DSE: variants seen among roughly 807,000 people sequenced by gnomAD.
DSE encodes the protein dermatan sulfate epimerase.
Under a neutral mutation model 84.4 loss-of-function variants are expected in DSE, and 36 were observed. The ratio of observed to expected loss-of-function variants is 0.43; its 90% CI spans 0.33 to 0.56. DSE has a LOEUF of 0.56. DSE is among the 20% of genes least tolerant of loss of function. DSE has a pLI of 0.06. For missense variants in DSE, 862 were observed against 1,169.6 expected (o/e 0.74, Z 3.84); for synonymous variants, 410 against 430.1 (o/e 0.95, Z 0.58).
At chr6:116,327,379 T>C (rs4467808) in intron 2 of DSE, among the ~76,000 whole-genome samples, 148,953 of 152,332 alleles carry the variant, frequency 0.98, 72,922 homozygotes, top group Non-Finnish European at 1. Context: ...GTAAAGGAAG[T>C]GGAGAGTTTA....
intron 2 of DSE, among the ~76,000 whole-genome samples, chr6:116,264,475 C>T (rs1047652558): frequency 6.6e-6 from 1 of 152,088 alleles, no homozygotes; most frequent in South Asian, 2.1e-4. Context: ...TCTGTCAGCT[C>T]TTGCATTGTT....
At chr6:116,359,723 CAGAT>C (rs1318965972) in intron 2 of DSE, among the ~76,000 whole-genome samples, 4 of 152,144 alleles carry the variant, frequency 2.6e-5, no homozygotes, top group African/African-American at 2.4e-5. Flanking sequence ...TAAGTGGAAA[CAGAT>C]AGGCTTTGCA....
chr6:116,438,632 A>T lies in DSE; in HGVS notation c.*1287A>T, dbSNP rs939919981. On this transcript the variant is annotated 3_prime_UTR_variant, in exon 6 of 6. Coordinates refer to ENST00000644252, the MANE Select transcript of DSE (RefSeq NM_013352.4). ...ATACTTAAAAGGAACTTAATAAATT[A>T]TCATACATTCAGCATATTTGAGTCA... The T allele has an allele frequency of 2.6e-4, 39 of 152,200 alleles. No individual in the cohort carries two copies. Among genetic ancestry groups the T allele is most frequent in the Non-Finnish European group, 2.9e-5 (2 of 68,002 alleles). 9.4% of individuals were successfully genotyped at this position (152,200 alleles called of 1,614,324 possible).
chr6:116,264,348 GT>G (rs1307014669), intron 2 of DSE, among the ~76,000 whole-genome samples: 29 of 151,852 alleles, frequency 1.9e-4, no homozygotes, highest in African/African-American at 7.0e-4. Flanking sequence ...CTCTGAGAGT[GT>G]TTCCTCTGCT....
At chr6:116,417,542 A>G (rs955973069) in intron 2 of DSE, among the ~76,000 whole-genome samples, 2 of 152,152 alleles carry the variant, frequency 1.3e-5, no homozygotes, top group Admixed American at 6.5e-5. Flanking sequence ...TAAATTTTAT[A>G]TATTTTAGAA....
At chr6:116,381,952 GT>G (rs1269249883) in intron 1 of DSE, among the ~76,000 whole-genome samples, 1 of 151,898 alleles carries the variant, frequency 6.6e-6, no homozygotes, top group Non-Finnish European at 1.5e-5. Context: ...CTTTTACCAA[GT>G]TTCTGGTGGC....
chr6:116,367,566 ATTTTG>A (rs1779236795), upstream of DSE, among the ~76,000 whole-genome samples: 1 of 152,190 alleles, frequency 6.6e-6, no homozygotes, highest in African/African-American at 2.4e-5. Context: ...AAAAAATAAC[ATTTTG>A]TTTTGTTCAG....
intron 2 of DSE, chr6:116,279,183 C>T (rs763693184): frequency 6.2e-7 from 1 of 1,612,048 alleles, no homozygotes; most frequent in Non-Finnish European, 8.5e-7. Context: ...GCCCTTCTTC[C>T]TCCCTCGCCT....
chr6:116,369,375 C>T (rs934468573), upstream of DSE, among the ~76,000 whole-genome samples: 1 of 152,206 alleles, frequency 6.6e-6, no homozygotes, highest in Non-Finnish European at 1.5e-5. Flanking sequence ...TAGACACTTT[C>T]ACAATTTATT....
Position 116,436,857 on chromosome 6 carries a change from T to C in DSE, c.2389T>C (p.Ser797Pro), listed in dbSNP as rs1784193105. The C allele has an allele frequency of 1.9e-6, 3 of 1,613,902 alleles. No homozygotes were observed. The highest frequency in any genetic ancestry group is 1.3e-5 in the African/African-American group (1 of 74,882). ...GGCCATTGACAGGATTTTTGCCATATCACAGCAACAGCAGCAGCAAAGCAA... is the reference window on the plus strand; with the variant it reads ...GGCCATTGACAGGATTTTTGCCATACCACAGCAACAGCAGCAGCAAAGCAA... ...EEAIDRIFAI[S>P]QQQQQQSKSK... The change falls in exon 6 of 6, where the codon TCA (serine) becomes CCA (proline). Residue 797 changes from serine to proline, a missense_variant. Physicochemically the swap from Ser to Pro is moderately conservative, Grantham distance 74. Around this residue, in one of 4 missense-constraint regions of DSE, gnomAD observed 315 missense variants for 348.1 expected, o/e 0.90. Coordinates refer to ENST00000644252, the MANE Select transcript of DSE (RefSeq NM_013352.4).
At chr6:116,299,315 G>A (rs1774849872) in intron 2 of DSE, among the ~76,000 whole-genome samples, 2 of 151,854 alleles carry the variant, frequency 1.3e-5, no homozygotes, top group Admixed American at 1.3e-4. Flanking sequence ...GGAAAAAAGA[G>A]AGGACTGAAT....
At chr6:116,407,925 T>C (rs1782039265) in intron 2 of DSE, among the ~76,000 whole-genome samples, 1 of 152,222 alleles carries the variant, frequency 6.6e-6, no homozygotes, top group Admixed American at 6.5e-5. Context: ...CACTGGTATT[T>C]TCAACTCTGC....
Position 116,325,989 on chromosome 6 carries a change from A to C in DSE, c.-54+67022A>C, listed in dbSNP as rs543482483. On this transcript the variant is annotated intron_variant, in intron 2 of 3. Transcript: ENST00000430252. ...TGCACGCACCAGTAATTAGATTGGAACAAAACAGGACAGGGATTTTCACAG... is the reference window on the plus strand; with the variant it reads ...TGCACGCACCAGTAATTAGATTGGACCAAAACAGGACAGGGATTTTCACAG... Among the ~76,000 whole-genome samples the C allele has an allele frequency of 2.6e-5, 4 of 152,272 alleles. No homozygotes were observed. The South Asian group carries it at 8.3e-4, about 32-fold the overall frequency.
chr6:116,293,278 C>CTT (rs5879371), intron 2 of DSE, among the ~76,000 whole-genome samples: 34,791 of 144,182 alleles, frequency 0.24, 5,140 homozygotes, highest in East Asian at 0.64. Context: ...TTCTTTTTTT[C>CTT]TTTTTTTTTT....
intron 2 of DSE, among the ~76,000 whole-genome samples, chr6:116,342,948 A>T (rs1399974752): frequency 6.6e-6 from 1 of 152,154 alleles, no homozygotes; most frequent in Non-Finnish European, 1.5e-5. Flanking sequence ...TTCCACCCTA[A>T]TACTGCGCTT....
chr6:116,275,926 CTG>C (rs1478794527), intron 2 of DSE, among the ~76,000 whole-genome samples: 2 of 152,124 alleles, frequency 1.3e-5, no homozygotes, highest in Non-Finnish European at 2.9e-5. Flanking sequence ...AATATAATCT[CTG>C]TATTTTATTT....
intron 2 of DSE, among the ~76,000 whole-genome samples, chr6:116,327,480 T>C (rs935506897): frequency 2.6e-5 from 4 of 152,124 alleles, no homozygotes; most frequent in African/African-American, 7.2e-5. Flanking sequence ...CCACCTATGA[T>C]GTTGGGGTTT....
intron 2 of DSE, among the ~76,000 whole-genome samples, chr6:116,352,015 C>A (rs779153064): frequency 1.3e-5 from 2 of 152,114 alleles, no homozygotes; most frequent in African/African-American, 4.8e-5. Flanking sequence ...GATATTAAAT[C>A]TTTATTAATT....
At chr6:116,420,338 A>G (rs977925082) in intron 2 of DSE, among the ~76,000 whole-genome samples, 1 of 152,230 alleles carries the variant, frequency 6.6e-6, no homozygotes, top group Non-Finnish European at 1.5e-5. Flanking sequence ...TATAGGAGAG[A>G]ATTAGATTTA....
Sources: allele counts gnomAD v4.1 joint callset (sites outside exome capture counted in the v4.1 genomes callset), GRCh38; gene constraint gnomAD v4.1.1; regional missense constraint gnomAD v4.1.1; transcripts MANE v1.5; gene names NCBI Gene and HGNC (gene_info 2026-07-23, HGNC 2026-07-21).